TLE4: variants seen among roughly 807,000 people sequenced by gnomAD.
The protein encoded by TLE4 is transducin-like enhancer protein 4.
TLE4 carries 8 observed loss-of-function variants against 92.8 expected under a neutral mutation model. That is an observed-to-expected ratio of 0.09 (90% CI 0.05 to 0.16). TLE4 has a LOEUF of 0.16. Ranked by LOEUF, TLE4 falls within the 10% of genes least tolerant of loss-of-function variation. TLE4 has a pLI of 1.00. For missense variants in TLE4, 675 were observed against 997.6 expected, an observed-to-expected ratio of 0.68 and a Z score of 4.36; for synonymous variants, 371 against 374.1, an observed-to-expected ratio of 0.99 and a Z score of 0.10.
At chr9:79,714,746 A>G (rs1469868969) in intron 14 of TLE4, among the ~76,000 whole-genome samples, 3 of 152,322 alleles carry the variant, frequency 2.0e-5, no homozygotes, top group East Asian at 1.9e-4. Flanking sequence ...TGCATTACCT[A>G]GTTTTGTATC....
chr9:79,665,392 T>C (rs1006022427), intron 8 of TLE4, among the ~76,000 whole-genome samples: 1 of 152,222 alleles, frequency 6.6e-6, no homozygotes, highest in African/African-American at 2.4e-5. Flanking sequence ...TGTTAAAATA[T>C]GGAATTGCGA....
rs142718823 is a variant in TLE4, at chr9:79,649,880, C to A, written c.391-2713C>A. On this transcript the variant is annotated intron_variant, in intron 6 of 19. Transcript: ENST00000376552. ...AAAGGTATTGGGCTTTGGCTGAGGG[C>A]TTTTTGTTGTTGTTGTTGTTGTTTT... is the stretch of plus-strand genomic sequence containing the variant. The A allele has an allele frequency of 6.9e-5, 93 of 1,349,060 alleles. No homozygotes were observed. The African/African-American group carries it at 1.4e-3, about 20-fold the overall frequency. 83.6% of individuals were successfully genotyped at this position (1,349,060 alleles called of 1,614,324 possible).
intron 16 of TLE4, among the ~76,000 whole-genome samples, chr9:79,721,218 A>T (rs2075583341): frequency 6.6e-6 from 1 of 152,190 alleles, no homozygotes; most frequent in Non-Finnish European, 1.5e-5. Context: ...TTCCTGGGCC[A>T]GTAGTTCACA....
At chr9:79,669,882 G>T (rs996972564) in intron 8 of TLE4, among the ~76,000 whole-genome samples, 1 of 152,112 alleles carries the variant, frequency 6.6e-6, no homozygotes, top group African/African-American at 2.4e-5. Context: ...GGGGGCATGC[G>T]TTACATGGCT....
chr9:79,664,140 G>A (rs1244127699), intron 8 of TLE4, among the ~76,000 whole-genome samples: 1 of 152,228 alleles, frequency 6.6e-6, no homozygotes, highest in Non-Finnish European at 1.5e-5. Context: ...AGTCCCCAGG[G>A]CCTTGCCCTA....
intron 5 of TLE4, among the ~76,000 whole-genome samples, chr9:79,625,387 A>AGTTT (rs2052342610): frequency 6.6e-6 from 1 of 152,106 alleles, no homozygotes; most frequent in Non-Finnish European, 1.5e-5. Context: ...TATGTTTTTG[A>AGTTT]TCGCTTTTAA....
intron 5 of TLE4, among the ~76,000 whole-genome samples, chr9:79,614,425 A>T (rs541915021): frequency 6.6e-6 from 1 of 152,096 alleles, no homozygotes; most frequent in East Asian, 1.9e-4. Flanking sequence ...GTTTTCCCAC[A>T]TGAATTATGT....
chr9:79,574,396 C>G (rs2131832085), intron 2 of TLE4, among the ~76,000 whole-genome samples: 1 of 152,206 alleles, frequency 6.6e-6, no homozygotes, highest in South Asian at 2.1e-4. Context: ...TGGTATTCAA[C>G]TTGTCTGTGT....
At chr9:79,625,763 C>T (rs2052456155) in intron 5 of TLE4, among the ~76,000 whole-genome samples, 1 of 151,848 alleles carries the variant, frequency 6.6e-6, no homozygotes, top group Non-Finnish European at 1.5e-5. Flanking sequence ...CTAATATTTT[C>T]AAAATCCCTT....
chr9:79,585,420 C>G (rs1191594364), intron 4 of TLE4, among the ~76,000 whole-genome samples: 1 of 152,188 alleles, frequency 6.6e-6, no homozygotes, highest in Non-Finnish European at 1.5e-5. Flanking sequence ...TTGGAATACT[C>G]CACCATCAGC....
intron 10 of TLE4, 55 bp downstream of exon 10, chr9:79,705,997 G>A: frequency 6.6e-7 from 1 of 1,510,984 alleles, no homozygotes; most frequent in Non-Finnish European, 9.2e-7. Flanking sequence ...TCAAAGACTA[G>A]TTGCCCAAAC....
intron 6 of TLE4, among the ~76,000 whole-genome samples, chr9:79,641,501 G>A (rs2057139023): frequency 2.0e-5 from 3 of 152,062 alleles, no homozygotes; most frequent in South Asian, 4.1e-4. Context: ...TATTCTACCC[G>A]ACTTCCCCAT....
At chr9:79,664,214 G>T (rs2061015555) in intron 8 of TLE4, among the ~76,000 whole-genome samples, 1 of 152,200 alleles carries the variant, frequency 6.6e-6, no homozygotes, top group African/African-American at 2.4e-5. Context: ...GCAGTGCAGG[G>T]ATTTAGCCTG....
intron 4 of TLE4, 146 bp downstream of exon 4, chr9:79,576,323 T>C (rs2037743897): frequency 2.3e-6 from 1 of 433,064 alleles, no homozygotes. Context: ...TGCTGTTTTT[T>C]CATGTGTGGC....
chr9:79,699,007 C>T (rs1359968432), intron 8 of TLE4, among the ~76,000 whole-genome samples: 2 of 151,598 alleles, frequency 1.3e-5, no homozygotes, highest in East Asian at 3.9e-4. Context: ...CAATAAAATC[C>T]AAGCAGAACT....
intron 4 of TLE4, among the ~76,000 whole-genome samples, chr9:79,609,295 A>G (rs973753700): frequency 6.6e-6 from 1 of 152,100 alleles, no homozygotes; most frequent in Non-Finnish European, 1.5e-5. Context: ...TGACAGTCAC[A>G]TGTCATGTGT....
chr9:79,661,245 A>G (rs2060493413), intron 8 of TLE4, among the ~76,000 whole-genome samples: 1 of 152,190 alleles, frequency 6.6e-6, no homozygotes, highest in African/African-American at 2.4e-5. Flanking sequence ...GTATTCTTAC[A>G]GTAACACTAA....
At chr9:79,589,628 C>G (rs1467624324) in intron 4 of TLE4, among the ~76,000 whole-genome samples, 1 of 152,096 alleles carries the variant, frequency 6.6e-6, no homozygotes, top group Admixed American at 6.5e-5. Context: ...CCATCGAAGT[C>G]ACTAGAATTA....
chr9:79,676,756 T>G (rs2063330421), intron 8 of TLE4, among the ~76,000 whole-genome samples: 1 of 152,120 alleles, frequency 6.6e-6, no homozygotes, highest in Non-Finnish European at 1.5e-5. Flanking sequence ...ACCACTTAGG[T>G]TCTTCTGATG....
Sources: allele counts gnomAD v4.1 joint callset (sites outside exome capture counted in the v4.1 genomes callset), GRCh38; gene constraint gnomAD v4.1.1; transcripts MANE v1.5; gene names NCBI Gene and HGNC (gene_info 2026-07-23, HGNC 2026-07-21).